KCNJ15: variants seen among roughly 807,000 people sequenced by gnomAD.
KCNJ15 encodes ATP-sensitive inward rectifier potassium channel 15.
A neutral mutation model predicts 23.0 loss-of-function variants in KCNJ15; 14 were observed. That is an observed-to-expected ratio of 0.61 (90% confidence interval 0.40 to 0.95). The LOEUF (loss-of-function observed/expected upper bound fraction) is 0.95, where lower values mean the gene tolerates loss of function less well. Among genes scored for constraint, KCNJ15 ranks in the 40% least tolerant of loss-of-function variants. KCNJ15 has a pLI of 0.00. For missense variants in KCNJ15, 388 were observed against 461.8 expected (o/e 0.84, Z 1.46); for synonymous variants, 185 against 183.2 (o/e 1.01, Z -0.08).
chr21:38,301,958 TCACA>T lies in KCNJ15; in HGVS notation c.*1573_*1576del, dbSNP rs927657610. The T allele has an allele frequency of 2.5e-5, 4 of 157,608 alleles. No individual in the cohort carries two copies. Among genetic ancestry groups the T allele is most frequent in the African/African-American group, 7.4e-5 (3 of 40,582 alleles). 9.8% of individuals were successfully genotyped at this position (157,608 alleles called of 1,614,324 possible). On this transcript the variant is annotated 3_prime_UTR_variant, in exon 3 of 3. Transcript: ENST00000398938. ...TTCCCCCCACCAAGCACACACACAG[TCACA>T]CACGCACACACACACACATGCACAC...
chr21:38,270,416 A>G (rs1981954336), intron 1 of KCNJ15, among the ~76,000 whole-genome samples: 1 of 152,198 alleles, frequency 6.6e-6, no homozygotes, highest in Admixed American at 6.5e-5. Context: ...GAAATTTATT[A>G]TCTCTCTTTT....
At chr21:38,243,544 C>A (rs1979154333) in intron 1 of KCNJ15, among the ~76,000 whole-genome samples, 1 of 152,178 alleles carries the variant, frequency 6.6e-6, no homozygotes, top group Admixed American at 6.5e-5. Flanking sequence ...GCCTCAGCCT[C>A]CCAAGTAGCT....
intron 1 of KCNJ15, among the ~76,000 whole-genome samples, chr21:38,260,220 C>T (rs1321044655): frequency 6.6e-6 from 1 of 152,056 alleles, no homozygotes; most frequent in Non-Finnish European, 1.5e-5. Flanking sequence ...GATAAAAAGG[C>T]CAGGCGAGAA....
intron 1 of KCNJ15, among the ~76,000 whole-genome samples, chr21:38,268,239 G>A (rs550367084): frequency 6.6e-6 from 1 of 152,202 alleles, no homozygotes; most frequent in South Asian, 2.1e-4. Flanking sequence ...TAATGAAAGC[G>A]GGAGAACAAG....
intron 1 of KCNJ15, among the ~76,000 whole-genome samples, chr21:38,249,720 G>T (rs1203309831): frequency 2.0e-5 from 3 of 152,116 alleles, no homozygotes; most frequent in Non-Finnish European, 4.4e-5. Flanking sequence ...TATTCTTCAG[G>T]TCAGACAGTC....
intron 1 of KCNJ15, among the ~76,000 whole-genome samples, chr21:38,239,568 A>AT (rs796337300): frequency 2.0e-5 from 3 of 152,338 alleles, no homozygotes; most frequent in African/African-American, 7.2e-5. Flanking sequence ...TTTCAACCAC[A>AT]TTTTTGGTAC....
chr21:38,268,435 T>A (rs1053434542), intron 1 of KCNJ15, among the ~76,000 whole-genome samples: 13 of 151,072 alleles, frequency 8.6e-5, no homozygotes, highest in Non-Finnish European at 1.6e-4. Flanking sequence ...GTGGATTTTT[T>A]AAAAAAAATA....
In KCNJ15 at chr21:38,302,808, G is replaced by C. The variant is rs540969548; in HGVS notation, c.*2419G>C. On this transcript the variant is annotated 3_prime_UTR_variant, in exon 3 of 3. Transcript: ENST00000398938. ...AAAAAAAATTTTGTATTGTCATTTA[G>C]CATATCAATTTCAGCCAAATTTGGA... 5 of 152,200 alleles carry C rather than the reference G, an allele frequency of 3.3e-5. No individual in the cohort carries two copies. The highest frequency in any genetic ancestry group is 3.3e-4 in the Admixed American group (5 of 15,296). 9.4% of individuals were successfully genotyped at this position (152,200 alleles called of 1,614,324 possible). A position where few individuals can be genotyped will look rare whatever the true frequency, so the allele number is the denominator to read the frequency against.
intron 1 of KCNJ15, among the ~76,000 whole-genome samples, chr21:38,243,632 G>A (rs1271329016): frequency 6.6e-6 from 1 of 152,174 alleles, no homozygotes; most frequent in Non-Finnish European, 1.5e-5. Flanking sequence ...ATGTTGGCCA[G>A]GCTGGTCTCG....
At chr21:38,229,952 G>C (rs1416118926) in intron 1 of KCNJ15, among the ~76,000 whole-genome samples, 1 of 152,160 alleles carries the variant, frequency 6.6e-6, no homozygotes, top group African/African-American at 2.4e-5. Context: ...ATGGGCATTT[G>C]GGTTGCATCC....
At chr21:38,283,612 A>G (rs1983580445) in intron 1 of KCNJ15, among the ~76,000 whole-genome samples, 1 of 152,208 alleles carries the variant, frequency 6.6e-6, no homozygotes, top group Non-Finnish European at 1.5e-5. Flanking sequence ...ACACTCTTGT[A>G]CATTATCCTA....
At chr21:38,271,046 C>G (rs1469424234) in intron 1 of KCNJ15, among the ~76,000 whole-genome samples, 1 of 152,230 alleles carries the variant, frequency 6.6e-6, no homozygotes, top group African/African-American at 2.4e-5. Context: ...TGGGGAGCCC[C>G]AGGCCAGCAG....
At chr21:38,265,968 G>A (rs1568995792) in intron 1 of KCNJ15, among the ~76,000 whole-genome samples, 1 of 152,292 alleles carries the variant, frequency 6.6e-6, no homozygotes, top group East Asian at 1.9e-4. Flanking sequence ...AGCAGGAGGA[G>A]TTACCATGCA....
chr21:38,254,331 A>C (rs750683942), upstream of KCNJ15, among the ~76,000 whole-genome samples: 1 of 152,224 alleles, frequency 6.6e-6, no homozygotes, highest in South Asian at 2.1e-4. Context: ...TGCAGCCTCA[A>C]AATCTAATTG....
upstream of KCNJ15, among the ~76,000 whole-genome samples, chr21:38,254,882 C>G (rs1476218040): frequency 6.6e-6 from 1 of 152,154 alleles, no homozygotes; most frequent in East Asian, 1.9e-4. Flanking sequence ...AAAGCTTAGG[C>G]TGGAAATACA....
rs1486049047 is a variant in KCNJ15, at chr21:38,300,190, A to G, written c.929A>G (p.Glu310Gly). 1.2e-6 allele frequency: 2 copies of G among 1,614,036 alleles called. No individual in the cohort carries two copies. The highest frequency in any genetic ancestry group is 1.7e-6 in the Non-Finnish European group (2 of 1,179,998). ...CCAGAGGAAATCTACTGGGGTTTTG[A>G]GTTTGTGCCTGTGGTATCTCTCTCC... ...YIPEEIYWGF[E>G]FVPVVSLSKN... Residue 310 changes from glutamate (E) to glycine (G), a missense_variant, in exon 3 of 3, where the codon GAG (glutamate) becomes GGG (glycine). By Grantham distance (98) the Glu-to-Gly change is moderately conservative. Coordinates refer to ENST00000398938, the MANE Select transcript of KCNJ15 (RefSeq NM_170736.3).
At chr21:38,240,682 A>G (rs986801839) in intron 1 of KCNJ15, among the ~76,000 whole-genome samples, 7 of 152,250 alleles carry the variant, frequency 4.6e-5, no homozygotes, top group African/African-American at 1.7e-4. Flanking sequence ...GCTCTATTAC[A>G]TGGATTTAGT....
intron 1 of KCNJ15, among the ~76,000 whole-genome samples, chr21:38,288,949 C>T (rs978974952): frequency 3.3e-5 from 5 of 152,160 alleles, no homozygotes; most frequent in Non-Finnish European, 7.4e-5. Flanking sequence ...CCTGTAATCT[C>T]ATCACTTTGG....
Position 38,300,268 on chromosome 21 carries a change from G to A in KCNJ15, c.1007G>A (p.Ser336Asn). 1 of 1,614,204 alleles carries A rather than the reference G, an allele frequency of 6.2e-7. No homozygotes were observed. Among genetic ancestry groups the A allele is most frequent in the East Asian group, 2.2e-5 (1 of 44,890 alleles). ...DFSQFEQIRK[S>N]PDCTFYCADS... ...AGTCAGTTTGAACAGATTCGGAAAAGCCCAGATTGCACATTTTACTGTGCA... is the reference window on the plus strand; with the variant it reads ...AGTCAGTTTGAACAGATTCGGAAAAACCCAGATTGCACATTTTACTGTGCA... Residue 336 changes from serine (S) to asparagine (N), a missense_variant, in exon 3 of 3, where the codon AGC (serine) becomes AAC (asparagine). Transcript: ENST00000398938.
Sources: allele counts gnomAD v4.1 joint callset (sites outside exome capture counted in the v4.1 genomes callset), GRCh38; gene constraint gnomAD v4.1.1; transcripts MANE v1.5; gene names NCBI Gene and HGNC (gene_info 2026-07-23, HGNC 2026-07-21).